Variants in EXOC4 observed in about 807,000 individuals in gnomAD.
The protein encoded by EXOC4 is SEC8-like 1.
Under a neutral mutation model 107.2 loss-of-function variants are expected in EXOC4, and 71 were observed. The ratio of observed to expected loss-of-function variants is 0.66; its 90% CI spans 0.55 to 0.81. EXOC4 has a LOEUF of 0.81. EXOC4 is among the 30% of genes least tolerant of loss of function. EXOC4 has a pLI of 0.00. For synonymous variants in EXOC4, 456 were observed against 441.2 expected (o/e 1.03, Z -0.42); for missense variants, 1,108 against 1,189.6 (o/e 0.93, Z 1.01).
intron 11 of EXOC4, among the ~76,000 whole-genome samples, chr7:133,871,859 G>A (rs1444546983): frequency 6.6e-6 from 1 of 152,146 alleles, no homozygotes; most frequent in Non-Finnish European, 1.5e-5. Context: ...ATAGTTATGA[G>A]GACCAAATGA....
At chr7:133,915,738 A>G (rs1799794794) in intron 12 of EXOC4, among the ~76,000 whole-genome samples, 1 of 152,208 alleles carries the variant, frequency 6.6e-6, no homozygotes, top group Non-Finnish European at 1.5e-5. Context: ...TACAGAAAAG[A>G]TGCAAGGAAA....
chr7:134,048,694 T>C (rs1238371752), intron 17 of EXOC4, among the ~76,000 whole-genome samples: 1 of 152,184 alleles, frequency 6.6e-6, no homozygotes, highest in East Asian at 1.9e-4. Flanking sequence ...TGTATTTTAA[T>C]GGCCCCAGGT....
chr7:134,053,205 T>C (rs1355462884), intron 17 of EXOC4, among the ~76,000 whole-genome samples: 2 of 147,970 alleles, frequency 1.4e-5, no homozygotes, highest in East Asian at 2.0e-4. Context: ...ACCACTGCAC[T>C]CCAGCCTGGA....
At chr7:134,027,043 G>T (rs938683739) in intron 17 of EXOC4, among the ~76,000 whole-genome samples, 2 of 151,846 alleles carry the variant, frequency 1.3e-5, no homozygotes, top group African/African-American at 4.8e-5. Context: ...AGTGATTAAG[G>T]GGGGGGATTC....
chr7:134,073,534 G>A, the EXOC4 span, among the ~76,000 whole-genome samples: 4 of 152,002 alleles, frequency 2.6e-5, no homozygotes, highest in Non-Finnish European at 4.4e-5. Flanking sequence ...CTTCACAGAC[G>A]TAATGGCCTT....
chr7:133,322,734 GT>G (rs1341791705), intron 5 of EXOC4, among the ~76,000 whole-genome samples: 2 of 152,090 alleles, frequency 1.3e-5, no homozygotes, highest in African/African-American at 2.4e-5. Flanking sequence ...ATTTAAAGTA[GT>G]TTTTTTCCAA....
At chr7:133,271,928 C>A (rs1793880355) in intron 1 of EXOC4, among the ~76,000 whole-genome samples, 1 of 151,846 alleles carries the variant, frequency 6.6e-6, no homozygotes, top group South Asian at 2.1e-4. Context: ...AACCTAATGC[C>A]CAGAGTTAAG....
chr7:133,906,619 A>G (rs552786867), intron 12 of EXOC4, among the ~76,000 whole-genome samples: 28 of 152,256 alleles, frequency 1.8e-4, no homozygotes, highest in Middle Eastern at 3.4e-3. Flanking sequence ...TTTTCACTCT[A>G]TTAAATCTTG....
chr7:133,571,648 C>A (rs1253225583), intron 9 of EXOC4, among the ~76,000 whole-genome samples: 1 of 149,808 alleles, frequency 6.7e-6, no homozygotes, highest in Non-Finnish European at 1.5e-5. Context: ...GCATGCCAGC[C>A]TGGATGACAG....
intron 11 of EXOC4, among the ~76,000 whole-genome samples, chr7:133,851,834 C>G (rs1185336955): frequency 2.0e-5 from 3 of 152,182 alleles, no homozygotes; most frequent in Admixed American, 6.5e-5. Context: ...GAGAGTGTCA[C>G]AAACTTCAAC....
intron 14 of EXOC4, among the ~76,000 whole-genome samples, chr7:133,985,319 T>C (rs1794089911): frequency 3.9e-5 from 6 of 152,130 alleles, no homozygotes; most frequent in African/African-American, 1.4e-4. Flanking sequence ...ACAAATTGGG[T>C]CATTCTTGTC....
At chr7:133,794,725 C>G (rs904469553) in intron 10 of EXOC4, among the ~76,000 whole-genome samples, 1 of 152,078 alleles carries the variant, frequency 6.6e-6, no homozygotes, top group Admixed American at 6.6e-5. Context: ...ACCACTTTCT[C>G]TTCAGTAGCA....
At chr7:133,968,243 G>T (rs192355282) in intron 14 of EXOC4, among the ~76,000 whole-genome samples, 2 of 152,136 alleles carry the variant, frequency 1.3e-5, no homozygotes, top group Non-Finnish European at 1.5e-5. Context: ...GTCTTTGCAT[G>T]TGAGATGGGT....
At chr7:134,073,640 T>C in the EXOC4 span, among the ~76,000 whole-genome samples, 13 of 152,038 alleles carry the variant, frequency 8.6e-5, no homozygotes, top group Non-Finnish European at 1.3e-4. Context: ...CTCTATGAAA[T>C]TGAGGTGAGA....
chr7:133,685,462 A>G (rs1453423851), intron 10 of EXOC4, among the ~76,000 whole-genome samples: 1 of 152,168 alleles, frequency 6.6e-6, no homozygotes. Flanking sequence ...CTGTGAATCA[A>G]TTAAACCTCT....
intron 10 of EXOC4, among the ~76,000 whole-genome samples, chr7:133,758,159 T>C (rs1795956861): frequency 6.6e-6 from 1 of 152,238 alleles, no homozygotes; most frequent in African/African-American, 2.4e-5. Flanking sequence ...TTTATTTTTG[T>C]TTTTGAGATG....
intron 2 of EXOC4, among the ~76,000 whole-genome samples, chr7:133,284,793 C>T (rs1450173590): frequency 6.6e-6 from 1 of 152,092 alleles, no homozygotes; most frequent in Non-Finnish European, 1.5e-5. Flanking sequence ...CCTCGGCCTC[C>T]CGAGGTGCTG....
At chr7:133,906,457 G>A (rs1021507875) in intron 12 of EXOC4, among the ~76,000 whole-genome samples, 16 of 152,272 alleles carry the variant, frequency 1.1e-4, no homozygotes, top group African/African-American at 1.9e-4. Context: ...TCACTAAAAT[G>A]CTAATTAGGC....
intron 17 of EXOC4, among the ~76,000 whole-genome samples, chr7:134,026,000 G>A (rs543291216): frequency 2.0e-5 from 3 of 152,274 alleles, no homozygotes; most frequent in Admixed American, 6.5e-5. Context: ...TGCACCCAAC[G>A]CAGTGCCTCA....
Sources: gnomAD v4.1 joint callset for allele counts (sites outside exome capture counted in the v4.1 genomes callset) on GRCh38, gnomAD v4.1.1 for gene constraint, MANE v1.5 for transcripts, NCBI Gene and HGNC (gene_info 2026-07-23, HGNC 2026-07-21) for gene names.